Variants in HSF4 observed in about 807,000 individuals in gnomAD.
HSF4 encodes the protein heat shock transcription factor 4.
A neutral mutation model predicts 52.0 loss-of-function variants in HSF4; 41 were observed. The observed-to-expected ratio is 0.79, with a 90% CI of 0.61 to 1.02. The LOEUF (loss-of-function observed/expected upper bound fraction) is 1.02, where lower values mean the gene tolerates loss of function less well. Among genes scored for constraint, HSF4 ranks in the 50% least tolerant of loss-of-function variants. The pLI is 0.00. For synonymous variants in HSF4, 285 were observed against 273.0 expected (o/e 1.04, Z -0.43); for missense variants, 610 against 651.1 (o/e 0.94, Z 0.69).
At chr16:67,164,506 A>T (rs1307747022), upstream of HSF4, 3 of 606,916 alleles carry the variant, frequency 4.9e-6, no homozygotes, top group East Asian at 1.1e-4. Context: ...AAGGAAATAG[A>T]GGGACCGAGA....
chr16:67,165,372 G>T lies in HSF4; in HGVS notation c.124-150G>T. ...AGGCCTCGGAGCCCGTTCTGGCCTG[G>T]CCTCGACCCATATCCCCGTAAGCGG... On this transcript the variant is annotated intron_variant, in intron 1 of 12. Coordinates refer to ENST00000521374, the MANE Select transcript of HSF4 (RefSeq NM_001374675.1). The surrounding 1 kb of genome is among the most constrained non-coding windows in gnomAD (Gnocchi z 6.9). 2.7e-6 allele frequency: 2 copies of T among 744,194 alleles called. No homozygotes were observed. Among genetic ancestry groups the T allele is most frequent in the Non-Finnish European group, 4.6e-6 (2 of 433,338 alleles). The allele number at this position is 744,194 out of a possible 1,614,324, so 46.1% of individuals were successfully genotyped here.
chr16:67,168,052 G>T, intron 9 of HSF4, 105 bp downstream of exon 9: 1 of 970,268 alleles, frequency 1.0e-6, no homozygotes, highest in Non-Finnish European at 1.6e-6. Flanking sequence ...CTGATTTCTT[G>T]GCCCCAGCAT....
At position 67,169,933 on chromosome 16, in the gene HSF4, T is replaced by G. The variant is rs985380596; in HGVS notation, c.*148T>G. On this transcript the variant is annotated 3_prime_UTR_variant, in exon 13 of 13. Transcript: ENST00000521374. This position sits in a 1 kb window ranked among gnomAD's most constrained non-coding sequence, Gnocchi z 4.3. ...CGACTATCCCTGCACATAAACTCCG[T>G]TTTTTTTTTTTCTGTTTCTGGTCTC... 3.5e-5 allele frequency: 18 copies of G among 513,390 alleles called. No individual in the cohort carries two copies. The highest frequency in any genetic ancestry group is 8.2e-5 in the East Asian group (2 of 24,534). The allele number at this position is 513,390 out of a possible 1,614,324, so 31.8% of individuals were successfully genotyped here. A position where few individuals can be genotyped will look rare whatever the true frequency, so the allele number is the denominator to read the frequency against.
In HSF4 at chr16:67,165,847, G is replaced by GT; in HGVS notation, c.360+2dup. The GT allele has an allele frequency of 1.2e-6, 2 of 1,602,650 alleles. No individual in the cohort carries two copies. The highest frequency in any genetic ancestry group is 1.7e-6 in the Non-Finnish European group (2 of 1,178,878). On this transcript the variant is annotated splice_donor_variant, in intron 3 of 12. Coordinates refer to ENST00000521374, the MANE Select transcript of HSF4 (RefSeq NM_001374675.1). LOFTEE classifies it high-confidence loss of function. This position sits in a 1 kb window ranked among gnomAD's most constrained non-coding sequence, Gnocchi z 6.9. Reference sequence around the variant, plus strand: ...GCTACTGGAGCGCGTGCGGCGCAAGGTGGGGGCGGCCTGCGGGAATGAGCA... The same window carrying GT: ...GCTACTGGAGCGCGTGCGGCGCAAGGTTGGGGGCGGCCTGCGGGAATGAGCA...
chr16:67,168,006 C>A, intron 9 of HSF4, 59 bp downstream of exon 9: 1 of 1,341,802 alleles, frequency 7.5e-7, no homozygotes, highest in Non-Finnish European at 1.0e-6. Context: ...TACCAGCCCA[C>A]AAAGCTTCCT....
upstream of HSF4, chr16:67,164,322 A>T: frequency 2.6e-6 from 1 of 387,178 alleles, no homozygotes; most frequent in South Asian, 1.9e-5. Flanking sequence ...CGGGGCACTC[A>T]CACCCTTGGA....
rs1264461712 is a variant in HSF4, at chr16:67,169,473, C to T, written c.1324+125C>T. On this transcript the variant is annotated intron_variant, in intron 12 of 12. Transcript: ENST00000521374. The surrounding 1 kb of genome is among the most constrained non-coding windows in gnomAD (Gnocchi z 4.3). ...AGTTCAGGCTGCACTGCAGAGCGTT[C>T]CTTGAGCCACCCATGCCCTCACCAT... 7.6e-6 allele frequency: 12 copies of T among 1,571,310 alleles called. No homozygotes were observed. The highest frequency in any genetic ancestry group is 1.4e-5 in the African/African-American group (1 of 73,990).
chr16:67,167,091 C>A, intron 6 of HSF4, 29 bp from the exon 7 acceptor site: 1 of 1,613,988 alleles, frequency 6.2e-7, no homozygotes, highest in Non-Finnish European at 8.5e-7. Flanking sequence ...CCTGCCCCAC[C>A]CCTGCCTGTG....
At position 67,169,222 on chromosome 16, in the gene HSF4, C is replaced by T. The variant is rs1000775480; in HGVS notation, c.1255-57C>T. 6.2e-6 allele frequency: 10 copies of T among 1,609,626 alleles called. No homozygotes were observed. In the East Asian group the frequency reaches 1.8e-4, roughly 29 times the overall value. ...AAGAATTGTCACAGTGATTTCCCAGCTGTCCCCCTCAGCTGCTAGGTCCCC... is the reference window on the plus strand; with the variant it reads ...AAGAATTGTCACAGTGATTTCCCAGTTGTCCCCCTCAGCTGCTAGGTCCCC... On this transcript the variant is annotated intron_variant, in intron 11 of 12. Transcript: ENST00000521374. This position sits in a 1 kb window ranked among gnomAD's most constrained non-coding sequence, Gnocchi z 4.3.
Position 67,164,782 on chromosome 16 carries a change from C to T in HSF4, c.-30C>T. On this transcript the variant is annotated 5_prime_UTR_variant, in exon 1 of 13. Transcript: ENST00000521374. ...TTTGACGAGCCCGCAGCGGCCGGGC[C>T]CGAGCGCAGAGCCGGGCCGAGACTG... is the stretch of plus-strand genomic sequence containing the variant. 6.3e-7 allele frequency: 1 copy of T among 1,576,580 alleles called. No homozygotes were observed. Among genetic ancestry groups the T allele is most frequent in the South Asian group, 1.1e-5 (1 of 88,538 alleles).
In HSF4 at chr16:67,166,673, A is replaced by G. The variant is rs770632910; in HGVS notation, c.626+51A>G. On this transcript the variant is annotated intron_variant, in intron 6 of 12. Transcript: ENST00000521374. ...ACACCCACTTCCAAGACCCCCCAGA[A>G]GTCCCCTTGCAAGGACCCCTTCTCC... is the stretch of plus-strand genomic sequence containing the variant. 3 of 1,551,004 alleles carry G rather than the reference A, an allele frequency of 1.9e-6. No homozygotes were observed. The East Asian group carries it at 6.7e-5, about 35-fold the overall frequency.
chr16:67,167,551 C>G lies in HSF4; in HGVS notation c.806C>G (p.Ser269Cys). Residue 269 changes from serine (S) to cysteine (C), a missense_variant, in exon 8 of 13, where the codon TCT (serine) becomes TGT (cysteine). Physicochemically the swap from Ser to Cys is moderately radical, Grantham distance 112 (BLOSUM62 -1). Transcript: ENST00000521374. ...GPIISDIPED[S>C]PSPEGTRLSP... ...ATCATCTCTGACATCCCAGAAGACT[C>G]TCCATCCCCTGAGGGGACCAGGCTT... is the stretch of plus-strand genomic sequence containing the variant. The G allele has an allele frequency of 6.2e-7, 1 of 1,613,812 alleles. No individual in the cohort carries two copies. Among genetic ancestry groups the G allele is most frequent in the Admixed American group, 1.7e-5 (1 of 60,038 alleles).
Position 67,169,625 on chromosome 16 carries a change from T to G in HSF4, c.1325-6T>G, listed in dbSNP as rs1229563095. 22 of 1,606,006 alleles carry G rather than the reference T, an allele frequency of 1.4e-5. No homozygotes were observed. Among genetic ancestry groups the G allele is most frequent in the Non-Finnish European group, 1.9e-5 (22 of 1,179,928 alleles). Reference sequence around the variant, plus strand: ...CCCCTGGTGAGCGCAGTCCCACTTCTCCTAGGGAAGGACCCCACGCTCGGG... The same window carrying G: ...CCCCTGGTGAGCGCAGTCCCACTTCGCCTAGGGAAGGACCCCACGCTCGGG... On this transcript the variant is annotated splice_region_variant and splice_polypyrimidine_tract_variant and intron_variant, in intron 12 of 12. Coordinates refer to ENST00000521374, the MANE Select transcript of HSF4 (RefSeq NM_001374675.1). This position sits in a 1 kb window ranked among gnomAD's most constrained non-coding sequence, Gnocchi z 4.3.
Position 67,166,021 on chromosome 16 carries a change from T to C in HSF4, c.436T>C (p.Leu146=). 1 of 1,535,694 alleles carries C rather than the reference T, an allele frequency of 6.5e-7. No individual in the cohort carries two copies. The highest frequency in any genetic ancestry group is 8.7e-7 in the Non-Finnish European group (1 of 1,148,042). Reference sequence around the variant, plus strand: ...TCGACTACTGGGCGAGGTGCAGGCTTTGCGGGGAGTGCAGGAGAGCACCGA... The same window carrying C: ...TCGACTACTGGGCGAGGTGCAGGCTCTGCGGGGAGTGCAGGAGAGCACCGA... ...LGRLLGEVQA[L]RGVQESTEAR... is the part of the protein sequence containing the mutation. Residue 146 remains leucine, a synonymous_variant, in exon 4 of 13, where the codon TTG becomes CTG. Transcript: ENST00000521374.
At position 67,169,115 on chromosome 16, in the gene HSF4, C is replaced by G. The variant is rs751504671; in HGVS notation, c.1254+14C>G. On this transcript the variant is annotated intron_variant, in intron 11 of 12. Transcript: ENST00000521374. The surrounding 1 kb of genome is among the most constrained non-coding windows in gnomAD (Gnocchi z 4.3). ...GAGCTGTCCTTGGTAAGAAGTGGGT[C>G]GGGGAGGGCAGAGGCCAGGGGTGGC... 6 of 1,611,576 alleles carry G rather than the reference C, an allele frequency of 3.7e-6. No individual in the cohort carries two copies. The South Asian group carries it at 6.6e-5, about 18-fold the overall frequency.
intron 9 of HSF4, among the ~76,000 whole-genome samples, chr16:67,168,275 C>A (rs532578795): frequency 1.3e-5 from 2 of 152,176 alleles, no homozygotes; most frequent in Admixed American, 6.5e-5. Flanking sequence ...AGTTCAACAC[C>A]AGCCTGGCCA....
Position 67,169,432 on chromosome 16 carries a change from TTGCAGGGAAATCCTGAGTTCAGGC to T in HSF4, c.1324+89_1324+112del. On this transcript the variant is annotated intron_variant, in intron 12 of 12. Transcript: ENST00000521374. The surrounding 1 kb of genome is among the most constrained non-coding windows in gnomAD (Gnocchi z 4.3). ...ATTGAGTGAGGGGGCAATCTGCAATTTGCAGGGAAATCCTGAGTTCAGGCTGCACTGCAGAGCGTTCCTTGAGCC... is the reference window on the plus strand; with the variant it reads ...ATTGAGTGAGGGGGCAATCTGCAATTTGCACTGCAGAGCGTTCCTTGAGCC... 1 of 1,572,718 alleles carries T rather than the reference TTGCAGGGAAATCCTGAGTTCAGGC, an allele frequency of 6.4e-7. No individual in the cohort carries two copies. Among genetic ancestry groups the T allele is most frequent in the Non-Finnish European group, 8.6e-7 (1 of 1,159,212 alleles).
At position 67,169,644 on chromosome 16, in the gene HSF4, G is replaced by C. The variant is rs540392287; in HGVS notation, c.1338G>C (p.Thr446=). The C allele has an allele frequency of 5.6e-6, 9 of 1,608,874 alleles. No individual in the cohort carries two copies. Among genetic ancestry groups the C allele is most frequent in the African/African-American group, 4.0e-5 (3 of 74,920 alleles). The change falls in exon 13 of 13, where the codon ACG becomes ACC. Residue 446 remains threonine (T), a synonymous_variant. Transcript: ENST00000521374. This position sits in a 1 kb window ranked among gnomAD's most constrained non-coding sequence, Gnocchi z 4.3. The part of the protein sequence containing the change: ...LNSPSPGKDP[T]LGAPLLLDVQ... ...CACTTCTCCTAGGGAAGGACCCCAC[G>C]CTCGGGGCCCCACTCCTGCTGGATG...
upstream of HSF4, chr16:67,163,873 CG>C: frequency 1.6e-6 from 2 of 1,257,516 alleles, no homozygotes; most frequent in South Asian, 1.6e-5. Context: ...TGAGAGGGAA[CG>C]GGGGGGGTGT....
Sources: gnomAD v4.1 joint callset for allele counts (sites outside exome capture counted in the v4.1 genomes callset) on GRCh38, gnomAD v4.1.1 for gene constraint, Gnocchi (gnomAD v3.1) non-coding constraint, MANE v1.5 for transcripts, NCBI Gene and HGNC (gene_info 2026-07-23, HGNC 2026-07-21) for gene names.